Variants in TRNT1 observed in about 807,000 individuals in gnomAD.
TRNT1 encodes the protein CCA tRNA nucleotidyltransferase 1, mitochondrial.
In TRNT1, 44 loss-of-function variants were observed where a neutral mutation model predicts 45.6. The observed-to-expected ratio is 0.97, with a 90% CI of 0.76 to 1.24. TRNT1 has a LOEUF of 1.24. Ranked by LOEUF, TRNT1 falls within the 50% of genes most tolerant of loss-of-function variation. TRNT1 has a pLI of 0.00. For missense variants in TRNT1, 633 were observed against 504.4 expected, an observed-to-expected ratio of 1.25 and a Z score of -2.44; for synonymous variants, 201 against 171.4, an observed-to-expected ratio of 1.17 and a Z score of -1.35.
chr3:3,138,209 A>G (rs1705442355), intron 3 of TRNT1, among the ~76,000 whole-genome samples: 1 of 152,140 alleles, frequency 6.6e-6, no homozygotes, highest in Non-Finnish European at 1.5e-5. Context: ...TTAATAATCC[A>G]AAACCTGAGG....
chr3:3,153,129 C>A, downstream of TRNT1: 1 of 358,080 alleles, frequency 2.8e-6, no homozygotes, highest in Non-Finnish European at 5.2e-6. Flanking sequence ...TATGTTAGGG[C>A]CTAATTGAAG....
chr3:3,152,010 C>A (rs1052168190), downstream of TRNT1, among the ~76,000 whole-genome samples: 1 of 152,068 alleles, frequency 6.6e-6, no homozygotes, highest in Non-Finnish European at 1.5e-5. Flanking sequence ...CAGAAAAAAA[C>A]AATTTTGGAT....
intron 2 of TRNT1, 180 bp downstream of exon 2, chr3:3,129,368 C>G: frequency 1.8e-6 from 1 of 564,962 alleles, no homozygotes; most frequent in Non-Finnish European, 3.1e-6. Flanking sequence ...TGGGCTCACT[C>G]CTTGGCCTCC....
At chr3:3,129,564 A>G (rs535911401) in intron 2 of TRNT1, 15 of 434,904 alleles carry the variant, frequency 3.4e-5, no homozygotes, top group Non-Finnish European at 6.3e-5. Context: ...CCTGGGCAAC[A>G]GAGTGAGACC....
At chr3:3,135,564 A>G (rs1705278626) in intron 2 of TRNT1, among the ~76,000 whole-genome samples, 1 of 152,206 alleles carries the variant, frequency 6.6e-6, no homozygotes, top group Admixed American at 6.5e-5. Context: ...GATATCCTTA[A>G]TTAAGTCAAG....
chr3:3,146,910 G>C (rs1706066448), intron 6 of TRNT1, among the ~76,000 whole-genome samples: 1 of 152,120 alleles, frequency 6.6e-6, no homozygotes, highest in Non-Finnish European at 1.5e-5. Context: ...ACCCAAAAAA[G>C]CGGTTTAAAA....
intron 5 of TRNT1, chr3:3,145,580 AATG>A (rs1705957056): frequency 6.6e-6 from 1 of 152,076 alleles, no homozygotes; most frequent in Non-Finnish European, 1.5e-5. Flanking sequence ...TGTGGGTAGC[AATG>A]ATGTTTAAAT....
At chr3:3,139,803 T>A (rs1325634694) in intron 3 of TRNT1, among the ~76,000 whole-genome samples, 1 of 152,156 alleles carries the variant, frequency 6.6e-6, no homozygotes, top group Non-Finnish European at 1.5e-5. Flanking sequence ...CTCGACTCAC[T>A]GCAGCCTCTG....
At position 3,139,506 on chromosome 3, in the gene TRNT1, C is replaced by T. The variant is rs115776090; in HGVS notation, c.343-1004C>T. The stretch of plus-strand genomic sequence containing the variant: ...TTCTCTACTCCTAAATGCTAATATG[C>T]TACCTGTCAGATATACTTTCTCTTT... On this transcript the variant is annotated intron_variant, in intron 3 of 7. Transcript: ENST00000251607. Among the ~76,000 whole-genome samples, 1,013 of 152,274 alleles carry T rather than the reference C, an allele frequency of 6.7e-3. 5 individuals carry two copies. The highest frequency in any genetic ancestry group is 0.012 in the Admixed American group (177 of 15,296).
Position 3,147,478 on chromosome 3 carries a change from A to G in TRNT1, c.831A>G (p.Glu277=). 6.2e-7 allele frequency: 1 copy of G among 1,613,700 alleles called. No homozygotes were observed. The highest frequency in any genetic ancestry group is 8.5e-7 in the Non-Finnish European group (1 of 1,179,708). Residue 277 remains glutamate (E), a synonymous_variant, in exon 7 of 8, where the codon GAA becomes GAG. Transcript: ENST00000251607. The part of the protein sequence containing the change: ...IGLPANASLE[E]FDKVSKNVDG... Reference sequence around the variant, plus strand: ...TACCTGCTAATGCAAGTTTAGAAGAATTTGACAAAGTCAGTAAAAATGTTG... The same window carrying G: ...TACCTGCTAATGCAAGTTTAGAAGAGTTTGACAAAGTCAGTAAAAATGTTG...
downstream of TRNT1, among the ~76,000 whole-genome samples, chr3:3,152,150 ATTT>A (rs66844241): frequency 1.4e-5 from 2 of 147,096 alleles, no homozygotes; most frequent in South Asian, 4.2e-4. Context: ...ATTTAAATAA[ATTT>A]TTTTTTTTTT....
chr3:3,147,931 G>C lies in TRNT1; in HGVS notation c.1082G>C (p.Arg361Pro), dbSNP rs527881651. 1.2e-6 allele frequency: 2 copies of C among 1,613,434 alleles called. No homozygotes were observed. The highest frequency in any genetic ancestry group is 2.7e-5 in the African/African-American group (2 of 74,896). The change falls in exon 8 of 8, where the codon CGT (arginine) becomes CCT (proline). Residue 361 changes from arginine (R) to proline (P), a missense_variant. Arg to Pro is a moderately radical substitution (Grantham distance 103). Coordinates refer to ENST00000251607, the MANE Select transcript of TRNT1 (RefSeq NM_182916.3). ...IDSREPDATTRVCELLKYQGE... is the reference protein window; with the variant it reads ...IDSREPDATTPVCELLKYQGE... ...TCTAGGGAACCTGATGCAACTACTC[G>C]TGTATGTGAACTACTGAAGTACCAA...
chr3:3,148,621 A>G lies in TRNT1; in HGVS notation c.*467A>G, dbSNP rs527495274. ...GTGCTTAAAAAAGAAATAATTGACC[A>G]AGTAAGTTTGCATAAAATGTGAATA... On this transcript the variant is annotated 3_prime_UTR_variant, in exon 8 of 8. Transcript: ENST00000251607. The G allele has an allele frequency of 2.0e-5, 3 of 152,784 alleles. No homozygotes were observed. In the East Asian group the frequency reaches 5.8e-4, roughly 29 times the overall value. The allele number at this position is 152,784 out of a possible 1,614,324, so 9.5% of individuals were successfully genotyped here.
chr3:3,140,475 A>G (rs900278889), intron 3 of TRNT1, 35 bp from the exon 4 acceptor site: 11 of 1,600,212 alleles, frequency 6.9e-6, no homozygotes, highest in Non-Finnish European at 9.4e-6. Flanking sequence ...AACCTAATTT[A>G]AATGACAACA....
chr3:3,149,514 A>G (rs1228909618), downstream of TRNT1: 1 of 152,118 alleles, frequency 6.6e-6, no homozygotes, highest in Non-Finnish European at 1.5e-5. Context: ...AAGGTAACTC[A>G]TTGCAACTGG....
Position 3,147,926 on chromosome 3 carries a change from T to G in TRNT1, c.1077T>G (p.Thr359=). The change falls in exon 8 of 8, where the codon ACT becomes ACG. Residue 359 remains threonine (T), a synonymous_variant. Coordinates refer to ENST00000251607, the MANE Select transcript of TRNT1 (RefSeq NM_182916.3). The part of the protein sequence containing the change: ...FIIDSREPDA[T]TRVCELLKYQ... ...CGTAGTCTAGGGAACCTGATGCAAC[T>G]ACTCGTGTATGTGAACTACTGAAGT... 1 of 1,613,268 alleles carries G rather than the reference T, an allele frequency of 6.2e-7. No homozygotes were observed. The highest frequency in any genetic ancestry group is 2.2e-5 in the East Asian group (1 of 44,876).
At chr3:3,134,825 A>G (rs77037235) in intron 2 of TRNT1, among the ~76,000 whole-genome samples, 1,801 of 152,236 alleles carry the variant, frequency 0.012, 15 homozygotes, top group African/African-American at 0.02. Context: ...CAAAGACATA[A>G]AACAGGTAAT....
intron 2 of TRNT1, among the ~76,000 whole-genome samples, chr3:3,133,157 C>T (rs78307472): frequency 4.1e-3 from 620 of 152,182 alleles, no homozygotes; most frequent in Middle Eastern, 0.01. Flanking sequence ...ATATGAGAGA[C>T]TAGAATAGTG....
chr3:3,140,022 C>G (rs1705547802), intron 3 of TRNT1, among the ~76,000 whole-genome samples: 1 of 152,206 alleles, frequency 6.6e-6, no homozygotes. Flanking sequence ...AGCCACCACC[C>G]CCAGCCTTTA....
Sources: gnomAD v4.1 joint callset for allele counts (sites outside exome capture counted in the v4.1 genomes callset) on GRCh38, gnomAD v4.1.1 for gene constraint, MANE v1.5 for transcripts, NCBI Gene and HGNC (gene_info 2026-07-23, HGNC 2026-07-21) for gene names.